Variants in SREK1 observed in about 807,000 individuals in gnomAD.
SREK1 encodes the protein splicing regulatory glutamic acid and lysine rich protein 1, also known as splicing regulatory glutamine/lysine-rich protein 1.
Under a neutral mutation model 66.5 loss-of-function variants are expected in SREK1, and 13 were observed. The ratio of observed to expected loss-of-function variants is 0.20; its 90% confidence interval spans 0.13 to 0.31. SREK1 has a LOEUF of 0.31. SREK1 is among the 10% of genes least tolerant of loss of function. The pLI, the probability that SREK1 is intolerant of heterozygous loss-of-function variation, is 1.00. For missense variants in SREK1, 607 were observed against 769.6 expected (o/e 0.79, Z 2.50); for synonymous variants, 265 against 263.5 (o/e 1.01, Z -0.05).
At chr5:66,172,169 A>T (rs552546917) in intron 9 of SREK1, among the ~76,000 whole-genome samples, 110 of 152,344 alleles carry the variant, frequency 7.2e-4, no homozygotes, top group Non-Finnish European at 1.2e-3. Context: ...TGAGCCTTGT[A>T]ACCACACCTT....
intron 1 of SREK1, chr5:66,145,220 T>G: frequency 1.0e-6 from 1 of 956,472 alleles, no homozygotes; most frequent in Non-Finnish European, 1.2e-6. Context: ...CGTATACATT[T>G]AAAGTCCAGA....
chr5:66,148,274 A>G (rs994121785), intron 1 of SREK1, among the ~76,000 whole-genome samples: 3 of 151,992 alleles, frequency 2.0e-5, no homozygotes, highest in African/African-American at 7.2e-5. Flanking sequence ...ATGTTTTGGC[A>G]TATCTTTTTT....
At chr5:66,157,558 A>G (rs1744393315) in intron 2 of SREK1, 3 of 976,020 alleles carry the variant, frequency 3.1e-6, no homozygotes, top group South Asian at 9.5e-5. Context: ...TATAAATAGT[A>G]TAGTGTATAT....
chr5:66,172,210 C>A (rs911725248), intron 9 of SREK1, among the ~76,000 whole-genome samples: 1 of 152,186 alleles, frequency 6.6e-6, no homozygotes, highest in Non-Finnish European at 1.5e-5. Context: ...GATTCTGTGT[C>A]ACACATGCCT....
chr5:66,164,493 G>A (rs1208155332), intron 6 of SREK1: 3 of 1,058,372 alleles, frequency 2.8e-6, no homozygotes, highest in Middle Eastern at 3.2e-4. Flanking sequence ...AGTGGAGAAA[G>A]GACTTAAAAT....
chr5:66,175,627 T>C (rs1462474586), intron 10 of SREK1, among the ~76,000 whole-genome samples: 2 of 152,174 alleles, frequency 1.3e-5, no homozygotes, highest in African/African-American at 4.8e-5. Context: ...AGTTAGATAA[T>C]AAGCATGTTT....
chr5:66,173,292 A>G (rs192920142), intron 9 of SREK1, among the ~76,000 whole-genome samples: 1 of 152,330 alleles, frequency 6.6e-6, no homozygotes, highest in East Asian at 1.9e-4. Context: ...ATGATATTAA[A>G]TAATTTTTTA....
Position 66,178,544 on chromosome 5 carries a change from A to G in SREK1, c.1726-175A>G, listed in dbSNP as rs114769838. Among the ~76,000 whole-genome samples the G allele has an allele frequency of 3.5e-3, 530 of 152,222 alleles. 3 individuals are homozygous for G. Among genetic ancestry groups the G allele is most frequent in the African/African-American group, 0.012 (508 of 41,566 alleles). On this transcript the variant is annotated intron_variant, in intron 11 of 11. Transcript: ENST00000334121. ...TTCCATGGATTGTCCATCTTTTATG[A>G]GAACACAAAGGGGAAATTGATAGTG... is the stretch of plus-strand genomic sequence containing the variant.
At chr5:66,148,577 A>G (rs929289808) in intron 1 of SREK1, among the ~76,000 whole-genome samples, 2 of 152,194 alleles carry the variant, frequency 1.3e-5, no homozygotes, top group Non-Finnish European at 2.9e-5. Context: ...AAAATCTGCT[A>G]AATTTGGGTA....
At chr5:66,171,509 AT>A (rs1187744521) in intron 9 of SREK1, among the ~76,000 whole-genome samples, 1 of 152,208 alleles carries the variant, frequency 6.6e-6, no homozygotes, top group Non-Finnish European at 1.5e-5. Flanking sequence ...GCAAGTTGCC[AT>A]AGTAACAGCT....
At position 66,178,768 on chromosome 5, in the gene SREK1, A is replaced by T; in HGVS notation, c.1775A>T (p.Asp592Val). ...GATTCAAGTGTGAGCAAAGAAGTAG[A>T]TGACAAGGATGCACCAAGGACTGAG... ...EPDSSVSKEV[D>V]DKDAPRTEEN... Residue 592 changes from aspartate to valine, a missense_variant, in exon 12 of 12, where the codon GAT becomes GTT. Around this residue, in one of 5 missense-constraint regions of SREK1, gnomAD observed 318 missense variants for 310.3 expected, o/e 1.02. Transcript: ENST00000334121. 6.2e-7 allele frequency: 1 copy of T among 1,612,714 alleles called. No homozygotes were observed. Among genetic ancestry groups the T allele is most frequent in the Non-Finnish European group, 8.5e-7 (1 of 1,179,024 alleles).
In SREK1 at chr5:66,144,329, C is replaced by T. The variant is rs1164923502; in HGVS notation, c.-48C>T. 15 of 1,410,732 alleles carry T rather than the reference C, an allele frequency of 1.1e-5. No homozygotes were observed. Among genetic ancestry groups the T allele is most frequent in the East Asian group, 7.9e-5 (3 of 37,790 alleles). 87.4% of individuals were successfully genotyped at this position (1,410,732 alleles called of 1,614,324 possible). ...TCCGCTTTCCCGGCTCCGTCGCTGA[C>T]GCGTCGTAGACGTTGGGGAGCGGGA... On this transcript the variant is annotated 5_prime_UTR_variant, in exon 1 of 12. It adds an upstream start codon to the 5' untranslated region. Coordinates refer to ENST00000334121, the MANE Select transcript of SREK1 (RefSeq NM_001077199.3).
At chr5:66,156,585 T>C (rs1385323019) in intron 2 of SREK1, 58 of 985,248 alleles carry the variant, frequency 5.9e-5, no homozygotes, top group Non-Finnish European at 6.9e-5. Flanking sequence ...CTAGTTTTTT[T>C]CCCCCCTAGT....
intron 3 of SREK1, among the ~76,000 whole-genome samples, chr5:66,161,311 A>G (rs1313415345): frequency 1.3e-5 from 2 of 152,190 alleles, no homozygotes; most frequent in East Asian, 3.8e-4. Flanking sequence ...TGAAATCCCC[A>G]CATCAACAGT....
Position 66,183,225 on chromosome 5 carries a change from C to T in SREK1, c.*4357C>T, listed in dbSNP as rs1045327675. 3.9e-5 allele frequency: 6 copies of T among 151,992 alleles called. No individual in the cohort carries two copies. The highest frequency in any genetic ancestry group is 1.4e-4 in the African/African-American group (6 of 41,388). 9.4% of individuals were successfully genotyped at this position (151,992 alleles called of 1,614,324 possible). A position where few individuals can be genotyped will look rare whatever the true frequency, so the allele number is the denominator to read the frequency against. On this transcript the variant is annotated 3_prime_UTR_variant, in exon 12 of 12. Coordinates refer to ENST00000334121, the MANE Select transcript of SREK1 (RefSeq NM_001077199.3). Reference sequence around the variant, plus strand: ...TATTTTTATTTGCTAGACATAATTTCTTAACTACATATGTAAGTATAAATT... The same window carrying T: ...TATTTTTATTTGCTAGACATAATTTTTTAACTACATATGTAAGTATAAATT...
At chr5:66,145,057 CTT>C in intron 1 of SREK1, 1 of 985,884 alleles carries the variant, frequency 1.0e-6, no homozygotes, top group Non-Finnish European at 1.2e-6. Context: ...GTCGCACAAA[CTT>C]AGCATTTTGG....
At chr5:66,157,477 C>T in intron 2 of SREK1, 13 of 985,122 alleles carry the variant, frequency 1.3e-5, no homozygotes, top group Middle Eastern at 5.2e-4. Context: ...CTCAATTTAT[C>T]AAGAATGTTC....
At chr5:66,156,955 G>A in intron 2 of SREK1, 2 of 985,158 alleles carry the variant, frequency 2.0e-6, no homozygotes, top group Non-Finnish European at 2.4e-6. Flanking sequence ...TATAGTTTGG[G>A]AAAAATGCTA....
At chr5:66,158,263 T>G (rs1202879206) in intron 2 of SREK1, 1 of 151,962 alleles carries the variant, frequency 6.6e-6, no homozygotes, top group Non-Finnish European at 1.5e-5. Flanking sequence ...TTGTAGGGAG[T>G]TTTTTTCCTA....
Sources: allele counts gnomAD v4.1 joint callset (sites outside exome capture counted in the v4.1 genomes callset), GRCh38; gene constraint gnomAD v4.1.1; regional missense constraint gnomAD v4.1.1; transcripts MANE v1.5; gene names NCBI Gene and HGNC (gene_info 2026-07-23, HGNC 2026-07-21).